The following CFAP20DC variants were observed in gnomAD, a reference collection of about 807,000 sequenced individuals.
CFAP20DC encodes CFAP20 domain containing, also known as protein CFAP20DC.
CFAP20DC carries 84 observed loss-of-function variants against 101.7 expected under a neutral mutation model. The observed-to-expected ratio is 0.83, with a 90% CI of 0.69 to 0.99. CFAP20DC has a LOEUF of 0.99. CFAP20DC is among the 50% of genes least tolerant of loss of function. The pLI, the probability that CFAP20DC is intolerant of heterozygous loss-of-function variation, is 0.00. For missense variants in CFAP20DC, 1,007 were observed against 970.3 expected, an observed-to-expected ratio of 1.04 and a Z score of -0.50; for synonymous variants, 359 against 351.2, an observed-to-expected ratio of 1.02 and a Z score of -0.25.
rs551602946 is a variant in CFAP20DC at position 58,816,533 on chromosome 3, C to G, written c.2176-10077G>C. On this transcript the variant is annotated intron_variant, in intron 14 of 16. Coordinates refer to ENST00000482387, the MANE Select transcript of CFAP20DC (RefSeq NM_001394063.1). ...CCGAGTCAAAGAAAGGGGTGACGGA[C>G]GCATCTGGAAAATCGGGTGACTCCC... Among the ~76,000 whole-genome samples the G allele has an allele frequency of 3.0e-4, 45 of 152,236 alleles. 1 individual carries two copies. Among genetic ancestry groups the G allele is most frequent in the Non-Finnish European group, 5.0e-4 (34 of 68,010 alleles).
intron 4 of CFAP20DC, among the ~76,000 whole-genome samples, chr3:58,994,903 G>T (rs1576633021): frequency 6.6e-6 from 1 of 152,132 alleles, no homozygotes; most frequent in East Asian, 1.9e-4. Flanking sequence ...TTGTGACAGG[G>T]TTTTGCCTCT....
rs1386448090 is a variant in CFAP20DC at position 58,899,607 on chromosome 3, G to A, written c.550+14101C>T. 6.6e-6 allele frequency among the ~76,000 whole-genome samples: 1 copy of A among 152,118 alleles called. No individual in the cohort carries two copies. Among genetic ancestry groups the A allele is most frequent in the Non-Finnish European group, 1.5e-5 (1 of 68,020 alleles). ...CTCTGTTTATTGGACCCAGTACCCT[G>A]GTGGCATGCGCTTATGAGGGGATCT... On this transcript the variant is annotated intron_variant, in intron 6 of 16. Transcript: ENST00000482387. The surrounding 1 kb of genome is among the most constrained non-coding windows in gnomAD (Gnocchi z 5.0).
At chr3:59,004,273 T>G (rs1262502030) in intron 4 of CFAP20DC, among the ~76,000 whole-genome samples, 3 of 152,096 alleles carry the variant, frequency 2.0e-5, no homozygotes, top group Non-Finnish European at 4.4e-5. Flanking sequence ...CCAACATGCA[T>G]CTGAGGCACA....
At chr3:58,763,516 C>T (rs957977683) in intron 15 of CFAP20DC, among the ~76,000 whole-genome samples, 6 of 151,846 alleles carry the variant, frequency 4.0e-5, no homozygotes, top group Admixed American at 1.3e-4. Flanking sequence ...GTTTGATTGT[C>T]TGAAGCCTTC....
chr3:58,736,360 T>C (rs1431866890), intron 3 of CFAP20DC, among the ~76,000 whole-genome samples: 1 of 152,202 alleles, frequency 6.6e-6, no homozygotes, highest in African/African-American at 2.4e-5. Context: ...GAAATTTTGA[T>C]TGATTTTCTT....
At chr3:58,978,770 G>T (rs1419309486) in intron 4 of CFAP20DC, among the ~76,000 whole-genome samples, 1 of 151,816 alleles carries the variant, frequency 6.6e-6, no homozygotes, top group Non-Finnish European at 1.5e-5. Flanking sequence ...GAAATATGAG[G>T]GAGATATTTC....
chr3:58,726,889 A>T, intron 3 of CFAP20DC: 1 of 235,352 alleles, frequency 4.2e-6, no homozygotes, highest in Non-Finnish European at 8.5e-6. Context: ...ATGACCCATT[A>T]CTTCCACTCG....
chr3:58,981,090 T>G (rs543874172), intron 4 of CFAP20DC, among the ~76,000 whole-genome samples: 14 of 152,218 alleles, frequency 9.2e-5, no homozygotes, highest in African/African-American at 3.4e-4. Context: ...AAATCATGAG[T>G]GAACTCCCAT....
intron 14 of CFAP20DC, among the ~76,000 whole-genome samples, chr3:58,807,391 G>C (rs1040590347): frequency 2.0e-5 from 3 of 152,182 alleles, no homozygotes; most frequent in African/African-American, 7.2e-5. Context: ...CGATCAGACA[G>C]CAGCATTCGT....
At chr3:58,767,679 C>T (rs2070445798) in intron 15 of CFAP20DC, among the ~76,000 whole-genome samples, 3 of 152,194 alleles carry the variant, frequency 2.0e-5, no homozygotes, top group Admixed American at 2.0e-4. Context: ...CAGGTGTGGA[C>T]CACCATGCCC....
intron 6 of CFAP20DC, 136 bp from the exon 7 acceptor site, chr3:58,884,845 G>T (rs2081491767): frequency 2.9e-6 from 2 of 688,552 alleles, no homozygotes; most frequent in Admixed American, 6.0e-5. Flanking sequence ...TTTCAGCCCT[G>T]ATTTTCTCAT....
At chr3:58,933,997 A>G (rs1334855569) in intron 5 of CFAP20DC, among the ~76,000 whole-genome samples, 1 of 152,170 alleles carries the variant, frequency 6.6e-6, no homozygotes, top group Non-Finnish European at 1.5e-5. Flanking sequence ...GTTTTTTGAA[A>G]GGATCAACAA....
At chr3:58,890,254 C>T (rs1251318612) in intron 6 of CFAP20DC, among the ~76,000 whole-genome samples, 8 of 133,696 alleles carry the variant, frequency 6.0e-5, no homozygotes, top group East Asian at 4.7e-4. Context: ...CAGTAGGGGC[C>T]GCCGGGCAGA....
intron 4 of CFAP20DC, among the ~76,000 whole-genome samples, chr3:58,952,200 C>T (rs1337153540): frequency 1.3e-5 from 2 of 152,050 alleles, no homozygotes; most frequent in Non-Finnish European, 2.9e-5. Context: ...TACAGTAGTC[C>T]CCCTCATCTG....
At chr3:58,821,537 T>C (rs1288446479) in intron 14 of CFAP20DC, among the ~76,000 whole-genome samples, 2 of 150,508 alleles carry the variant, frequency 1.3e-5, no homozygotes, top group African/African-American at 4.9e-5. Flanking sequence ...AAAAAACACA[T>C]GAAAAAATGC....
chr3:58,869,568 A>G lies in CFAP20DC; in HGVS notation c.853-78T>C, dbSNP rs1411037696. 2 of 1,183,226 alleles carry G rather than the reference A, an allele frequency of 1.7e-6. No individual in the cohort carries two copies. Among genetic ancestry groups the G allele is most frequent in the Non-Finnish European group, 2.3e-6 (2 of 863,222 alleles). 73.3% of individuals were successfully genotyped at this position (1,183,226 alleles called of 1,614,324 possible). A position where few individuals can be genotyped will look rare whatever the true frequency, so the allele number is the denominator to read the frequency against. On this transcript the variant is annotated intron_variant, in intron 8 of 16. Coordinates refer to ENST00000482387, the MANE Select transcript of CFAP20DC (RefSeq NM_001394063.1). The surrounding 1 kb of genome is among the most constrained non-coding windows in gnomAD (Gnocchi z 4.3). The stretch of plus-strand genomic sequence containing the variant: ...CTGTAGAAGCTATATAGAAAACATA[A>G]TATTTGGACCAATGAAGAGTGAGAA...
At position 58,795,091 on chromosome 3, in the gene CFAP20DC, T is replaced by C. The variant is rs1397705979; in HGVS notation, c.2237+11304A>G. Among the ~76,000 whole-genome samples the C allele has an allele frequency of 6.6e-6, 1 of 152,190 alleles. No individual in the cohort carries two copies. The highest frequency in any genetic ancestry group is 1.5e-5 in the Non-Finnish European group (1 of 68,026). ...ATTCCCTCCCCACCTCCAGACAGAA[T>C]GGAGGTGATTGTTATAAACTAGAAT... is the stretch of plus-strand genomic sequence containing the variant. On this transcript the variant is annotated intron_variant, in intron 15 of 16. Transcript: ENST00000482387. The surrounding 1 kb of genome is among the most constrained non-coding windows in gnomAD (Gnocchi z 4.2).
At chr3:58,757,896 T>C (rs996756349) in intron 15 of CFAP20DC, among the ~76,000 whole-genome samples, 1 of 152,168 alleles carries the variant, frequency 6.6e-6, no homozygotes, top group Non-Finnish European at 1.5e-5. Flanking sequence ...CAAAGTATAA[T>C]GTAAAAAGAA....
chr3:58,994,209 G>T (rs1300742758), intron 4 of CFAP20DC, among the ~76,000 whole-genome samples: 1 of 152,182 alleles, frequency 6.6e-6, no homozygotes, highest in South Asian at 2.1e-4. Context: ...TACCTTGCAA[G>T]CTCAGCACAC....
Sources: allele counts gnomAD v4.1 joint callset (sites outside exome capture counted in the v4.1 genomes callset), GRCh38; gene constraint gnomAD v4.1.1; non-coding constraint Gnocchi (gnomAD v3.1); transcripts MANE v1.5; gene names NCBI Gene and HGNC (gene_info 2026-07-23, HGNC 2026-07-21).